The following PDE6D variants were observed in gnomAD, a reference collection of about 807,000 sequenced individuals.
The protein encoded by PDE6D is phosphodiesterase 6D, also known as retinal rod rhodopsin-sensitive cGMP 3',5'-cyclic phosphodiesterase subunit delta.
Under a neutral mutation model 21.9 loss-of-function variants are expected in PDE6D, and 10 were observed. The observed-to-expected ratio is 0.46, with a 90% confidence interval of 0.28 to 0.78. The LOEUF is 0.78. Ranked by LOEUF, PDE6D falls within the 30% of genes least tolerant of loss-of-function variation. PDE6D has a pLI of 0.12. For missense variants in PDE6D, 139 were observed against 184.8 expected, an observed-to-expected ratio of 0.75 and a Z score of 1.44; for synonymous variants, 59 against 63.5, an observed-to-expected ratio of 0.93 and a Z score of 0.34.
chr2:231,755,740 G>C (rs2048878131), intron 1 of PDE6D, among the ~76,000 whole-genome samples: 1 of 152,106 alleles, frequency 6.6e-6, no homozygotes, highest in African/African-American at 2.4e-5. Flanking sequence ...GACCAACATG[G>C]AGAAACCCCG....
intron 1 of PDE6D, among the ~76,000 whole-genome samples, chr2:231,760,050 T>C (rs2048913758): frequency 6.6e-6 from 1 of 152,206 alleles, no homozygotes; most frequent in African/African-American, 2.4e-5. Context: ...AAATAATTTC[T>C]AAAAACAATA....
rs2048780863 is a variant in PDE6D at position 231,744,817 on chromosome 2, T to A, written c.51-5629A>T. Among the ~76,000 whole-genome samples the A allele has an allele frequency of 2.0e-5, 3 of 152,338 alleles. No homozygotes were observed. In the South Asian group the frequency reaches 6.2e-4, roughly 32 times the overall value. On this transcript the variant is annotated intron_variant, in intron 1 of 4. Coordinates refer to ENST00000287600, the MANE Select transcript of PDE6D (RefSeq NM_002601.4). ...TGTTTAGCCAGTTCAATATACATAG[T>A]TATTCCTGCATGTGCCCTAATCTGG... is the stretch of plus-strand genomic sequence containing the variant.
chr2:231,769,242 A>ATC (rs2048996421), intron 1 of PDE6D, among the ~76,000 whole-genome samples: 1 of 152,198 alleles, frequency 6.6e-6, no homozygotes, highest in Non-Finnish European at 1.5e-5. Flanking sequence ...AAATGTCTGA[A>ATC]TGAATGGCCA....
intron 1 of PDE6D, among the ~76,000 whole-genome samples, chr2:231,746,880 A>G (rs1210730780): frequency 6.7e-6 from 1 of 149,020 alleles, no homozygotes. Context: ...AGAAGGCAAC[A>G]AAAAGGAAGA....
chr2:231,761,456 G>A (rs1450142712), intron 1 of PDE6D, among the ~76,000 whole-genome samples: 1 of 152,214 alleles, frequency 6.6e-6, no homozygotes, highest in East Asian at 1.9e-4. Flanking sequence ...GATTACAGGC[G>A]TGAGCCACCA....
intron 1 of PDE6D, among the ~76,000 whole-genome samples, chr2:231,773,968 C>T (rs2049034281): frequency 6.6e-6 from 1 of 152,086 alleles, no homozygotes; most frequent in Admixed American, 6.6e-5. Flanking sequence ...GAGTCTCACT[C>T]TGTTACCCAG....
chr2:231,776,843 C>G (rs752271371), intron 1 of PDE6D, among the ~76,000 whole-genome samples: 4 of 152,176 alleles, frequency 2.6e-5, no homozygotes, highest in Non-Finnish European at 4.4e-5. Context: ...AGTAACATTT[C>G]ATTCATAACA....
chr2:231,751,710 TG>T (rs1215149501), intron 1 of PDE6D, among the ~76,000 whole-genome samples: 1 of 152,232 alleles, frequency 6.6e-6, no homozygotes, highest in African/African-American at 2.4e-5. Context: ...ACTGGAGTTA[TG>T]GGTTTTTTGG....
chr2:231,761,158 A>G (rs1474576930), intron 1 of PDE6D, among the ~76,000 whole-genome samples: 1 of 152,134 alleles, frequency 6.6e-6, no homozygotes, highest in Non-Finnish European at 1.5e-5. Context: ...TTGGCCCAAC[A>G]ATGGCTATAA....
At chr2:231,779,185 G>C (rs1355038033) in intron 1 of PDE6D, 2 of 152,182 alleles carry the variant, frequency 1.3e-5, no homozygotes, top group South Asian at 2.1e-4. Flanking sequence ...TTGTGCTTCA[G>C]GATTTAATCA....
In PDE6D at chr2:231,737,101, C is replaced by T. The variant is rs1166210362; in HGVS notation, c.371+86G>A. ...CTCTATTTCTCAACCGAGCTCTCTG[C>T]CCACTGAATGGCACCAGGAGTCCCA... On this transcript the variant is annotated intron_variant, in intron 4 of 4. Transcript: ENST00000287600. 13 of 709,846 alleles carry T rather than the reference C, an allele frequency of 1.8e-5. No individual in the cohort carries two copies. In the East Asian group the frequency reaches 3.1e-4, roughly 17 times the overall value. The allele number at this position is 709,846 out of a possible 1,614,324, so 44.0% of individuals were successfully genotyped here. A position where few individuals can be genotyped will look rare whatever the true frequency, so the allele number is the denominator to read the frequency against.
In PDE6D at chr2:231,735,028, G is replaced by A. The variant is rs191995399; in HGVS notation, c.372-1995C>T. ...GAGGCCGAGGCGGGCGGATCACGAG[G>A]TCAGGAGATCGAGACCATCCTGGCT... On this transcript the variant is annotated intron_variant, in intron 4 of 4. Transcript: ENST00000287600. 5.4e-3 allele frequency among the ~76,000 whole-genome samples: 819 copies of A among 150,608 alleles called. 6 individuals are homozygous for A. Among genetic ancestry groups the A allele is most frequent in the African/African-American group, 0.019 (775 of 41,124 alleles).
chr2:231,736,529 C>T (rs2106260088), intron 4 of PDE6D, among the ~76,000 whole-genome samples: 1 of 152,238 alleles, frequency 6.6e-6, no homozygotes, highest in Admixed American at 6.5e-5. Flanking sequence ...TAACATCTTT[C>T]CCACAGACAA....
intron 1 of PDE6D, among the ~76,000 whole-genome samples, chr2:231,748,325 G>C (rs2048810692): frequency 6.6e-6 from 1 of 152,160 alleles, no homozygotes; most frequent in South Asian, 2.1e-4. Flanking sequence ...CTCTTGTTAT[G>C]TTTTAGCAAA....
chr2:231,764,320 G>C (rs1282730354), intron 1 of PDE6D, among the ~76,000 whole-genome samples: 2 of 152,118 alleles, frequency 1.3e-5, no homozygotes, highest in Non-Finnish European at 2.9e-5. Flanking sequence ...GGGAGGCTGA[G>C]GGCAAGATTG....
intron 1 of PDE6D, 32 bp downstream of exon 1, chr2:231,781,033 C>T: frequency 1.2e-6 from 2 of 1,601,578 alleles, no homozygotes; most frequent in Non-Finnish European, 1.7e-6. Context: ...CTCCCAAGTC[C>T]TCCCGGCCCC....
At chr2:231,771,189 G>C (rs145574047) in intron 1 of PDE6D, among the ~76,000 whole-genome samples, 1 of 151,686 alleles carries the variant, frequency 6.6e-6, no homozygotes, top group African/African-American at 2.4e-5. Context: ...GGCTGGTCTC[G>C]AACTCCTGAC....
chr2:231,768,507 C>G (rs1010941000), intron 1 of PDE6D: 1 of 152,284 alleles, frequency 6.6e-6, no homozygotes, highest in Non-Finnish European at 1.5e-5. Flanking sequence ...CCTGCCTCAG[C>G]CTCTTGAGTT....
chr2:231,751,180 A>C (rs2048837433), intron 1 of PDE6D, among the ~76,000 whole-genome samples: 1 of 151,388 alleles, frequency 6.6e-6, no homozygotes. Flanking sequence ...TTTTTGAGAC[A>C]GGGTCTTGCT....
Sources: gnomAD v4.1 joint callset for allele counts (sites outside exome capture counted in the v4.1 genomes callset) on GRCh38, gnomAD v4.1.1 for gene constraint, MANE v1.5 for transcripts, NCBI Gene and HGNC (gene_info 2026-07-23, HGNC 2026-07-21) for gene names.